PPP1R13L: variants seen among roughly 807,000 people sequenced by gnomAD.
PPP1R13L encodes the protein relA-associated inhibitor.
Under a neutral mutation model 80.9 loss-of-function variants are expected in PPP1R13L, and 50 were observed. That is an observed-to-expected ratio of 0.62 (90% CI 0.49 to 0.78). PPP1R13L has a LOEUF of 0.78. PPP1R13L is among the 30% of genes least tolerant of loss of function. PPP1R13L has a pLI of 0.00. For missense variants in PPP1R13L, 1,200 were observed against 1,205.9 expected (o/e 1.00, Z 0.07); for synonymous variants, 602 against 534.3 (o/e 1.13, Z -1.75).
In PPP1R13L at chr19:45,379,994, C is replaced by G. The variant is rs12982075; in HGVS notation, c.*196G>C. 1 of 612,286 alleles carries G rather than the reference C, an allele frequency of 1.6e-6. No homozygotes were observed. The highest frequency in any genetic ancestry group is 1.9e-5 in the African/African-American group (1 of 53,894). The allele number at this position is 612,286 out of a possible 1,614,324, so 37.9% of individuals were successfully genotyped here. On this transcript the variant is annotated 3_prime_UTR_variant, in exon 13 of 13. Transcript: ENST00000360957. ...CCAGCCCTTCCCAGACCTCCCAAGG[C>G]TAAGGCAGATTACTAAATTTAAGGC...
At chr19:45,401,731 G>A (rs1279219012) in intron 1 of PPP1R13L, among the ~76,000 whole-genome samples, 1 of 152,094 alleles carries the variant, frequency 6.6e-6, no homozygotes, top group Admixed American at 6.6e-5. Flanking sequence ...ACCCAGGGTT[G>A]CACTGCTCTG....
chr19:45,397,159 C>CT, intron 3 of PPP1R13L, 101 bp from the exon 4 acceptor site: 1 of 970,570 alleles, frequency 1.0e-6, no homozygotes, highest in African/African-American at 1.7e-5. Context: ...GGAGGTCAAC[C>CT]CAGAGGAGGC....
Position 45,395,581 on chromosome 19 carries a change from CG to C in PPP1R13L, c.1208del (p.Pro403ArgfsTer47). 1 of 1,445,284 alleles carries C rather than the reference CG, an allele frequency of 6.9e-7. No individual in the cohort carries two copies. The allele number at this position is 1,445,284 out of a possible 1,614,324, so 89.5% of individuals were successfully genotyped here. A position where few individuals can be genotyped will look rare whatever the true frequency, so the allele number is the denominator to read the frequency against. On this transcript the variant is annotated frameshift_variant, in exon 7 of 13. Transcript: ENST00000360957. LOFTEE classifies it high-confidence loss of function. ...PGSPLFTRAP[P>X]PKLQPQPQPQ... is the part of the protein sequence containing the mutation. ...GTTGTGGTTGGGGCTGCAGCTTAGG[CG>C]GGGGTGCTCGGGTGAAGAGGGGGGA...
upstream of PPP1R13L, among the ~76,000 whole-genome samples, chr19:45,406,057 C>A (rs1466825280): frequency 6.6e-6 from 1 of 152,230 alleles, no homozygotes; most frequent in Non-Finnish European, 1.5e-5. This position sits in a 1 kb window ranked among gnomAD's most constrained non-coding sequence, Gnocchi z 4.2. Context: ...GCGTGTGGGG[C>A]TCCTGGGTCC....
At chr19:45,384,364 T>TAAAAAA (rs1235819259) in intron 11 of PPP1R13L, among the ~76,000 whole-genome samples, 1 of 19,812 alleles carries the variant, frequency 5.0e-5, no homozygotes, top group African/African-American at 3.2e-4. Context: ...CTACTAAAAA[T>TAAAAAA]ACAAAAAAAA....
At position 45,393,644 on chromosome 19, in the gene PPP1R13L, G is replaced by T. The variant is rs35801099; in HGVS notation, c.1355-1304C>A. ...AATCCCAGCACTTTGGGAGGCCGAG[G>T]TGGGCAGATCATGAGGTCAGGAGAT... On this transcript the variant is annotated intron_variant, in intron 7 of 12. Coordinates refer to ENST00000360957, the MANE Select transcript of PPP1R13L (RefSeq NM_006663.4). Among the ~76,000 whole-genome samples the T allele has an allele frequency of 6.3e-3, 953 of 152,216 alleles. 8 individuals are homozygous for T. Among genetic ancestry groups the T allele is most frequent in the African/African-American group, 0.022 (908 of 41,536 alleles).
chr19:45,395,561 G>A lies in PPP1R13L; in HGVS notation c.1229C>T (p.Pro410Leu). The A allele has an allele frequency of 2.0e-6, 3 of 1,485,424 alleles. No homozygotes were observed. Among genetic ancestry groups the A allele is most frequent in the Non-Finnish European group, 2.7e-6 (3 of 1,119,214 alleles). The allele number at this position is 1,485,424 out of a possible 1,614,324, so 92.0% of individuals were successfully genotyped here. ...RAPPPKLQPQ[P>L]QPQPQPQSQP... Reference sequence around the variant, plus strand: ...TGATTGTGGCTGGGGCTGTGGTTGTGGTTGGGGCTGCAGCTTAGGCGGGGG... The same window carrying A: ...TGATTGTGGCTGGGGCTGTGGTTGTAGTTGGGGCTGCAGCTTAGGCGGGGG... The change falls in exon 7 of 13, where the codon CCA (proline) becomes CTA (leucine). Residue 410 changes from proline to leucine, a missense_variant. Physicochemically the swap from Pro to Leu is moderately conservative, Grantham distance 98. This residue lies in a region of PPP1R13L where 764 missense variants were observed against 714.5 expected (regional missense o/e 1.07). Coordinates refer to ENST00000360957, the MANE Select transcript of PPP1R13L (RefSeq NM_006663.4).
At chr19:45,398,998 C>T (rs1465797236) in intron 1 of PPP1R13L, among the ~76,000 whole-genome samples, 1 of 152,038 alleles carries the variant, frequency 6.6e-6, no homozygotes, top group Non-Finnish European at 1.5e-5. Flanking sequence ...GGCTGGAGTG[C>T]AGTGGCGCGA....
chr19:45,401,214 G>A (rs1261935498), intron 1 of PPP1R13L, among the ~76,000 whole-genome samples: 3 of 151,754 alleles, frequency 2.0e-5, no homozygotes, highest in East Asian at 1.9e-4. Flanking sequence ...AATTAGCTGG[G>A]CGTGGTGGCG....
At position 45,392,479 on chromosome 19, in the gene PPP1R13L, A is replaced by T. The variant is rs535083335; in HGVS notation, c.1355-139T>A. The T allele has an allele frequency of 1.0e-4, 88 of 862,348 alleles. 2 individuals are homozygous for T. The highest frequency in any genetic ancestry group is 9.4e-4 in the South Asian group (66 of 70,158). The allele number at this position is 862,348 out of a possible 1,614,324, so 53.4% of individuals were successfully genotyped here. On this transcript the variant is annotated intron_variant, in intron 7 of 12. Transcript: ENST00000360957. The stretch of plus-strand genomic sequence containing the variant: ...AAGTTCCTTGCCCTCTCTGGGCTAC[A>T]CTTTCCTTGGGCTGTGAATAATATA...
chr19:45,404,728 G>GC (rs992383555), intron 1 of PPP1R13L, among the ~76,000 whole-genome samples: 1 of 152,166 alleles, frequency 6.6e-6, no homozygotes, highest in African/African-American at 2.4e-5. Flanking sequence ...GCTTCCTAGA[G>GC]CCCCCCAGTT....
At chr19:45,389,805 A>AT (rs921468963) in intron 8 of PPP1R13L, among the ~76,000 whole-genome samples, 111 of 151,452 alleles carry the variant, frequency 7.3e-4, no homozygotes, top group African/African-American at 2.0e-3. Flanking sequence ...TTTTATTTTT[A>AT]TTTTTTTTGA....
In PPP1R13L at chr19:45,396,191, C is replaced by T. The variant is rs549526492; in HGVS notation, c.880G>A (p.Asp294Asn). Reference protein sequence around the residue: ...QLLPWRESSLDGLGGTGKDNL... With the variant: ...QLLPWRESSLNGLGGTGKDNL... Reference sequence around the variant, plus strand: ...ACCTTGCCGGTGCCCCCCAGTCCATCCAGGCTGCTCTCCCTCCAAGGCAAC... The same window carrying T: ...ACCTTGCCGGTGCCCCCCAGTCCATTCAGGCTGCTCTCCCTCCAAGGCAAC... Residue 294 changes from aspartate (D) to asparagine (N), a missense_variant, in exon 6 of 13, where the codon GAT (aspartate) becomes AAT (asparagine). Transcript: ENST00000360957. This position sits in a 1 kb window ranked among gnomAD's most constrained non-coding sequence, Gnocchi z 5.3. 1.2e-6 allele frequency: 2 copies of T among 1,610,800 alleles called. No homozygotes were observed. The highest frequency in any genetic ancestry group is 2.2e-5 in the East Asian group (1 of 44,830).
chr19:45,390,374 C>T (rs1230133491), intron 8 of PPP1R13L, among the ~76,000 whole-genome samples: 3 of 152,112 alleles, frequency 2.0e-5, no homozygotes, highest in Non-Finnish European at 2.9e-5. Context: ...ATGACCTTGG[C>T]GCCACCATCT....
At chr19:45,397,196 G>T in intron 3 of PPP1R13L, 138 bp from the exon 4 acceptor site, 1 of 635,020 alleles carries the variant, frequency 1.6e-6, no homozygotes, top group Non-Finnish European at 2.3e-6. Flanking sequence ...TTCAGGCACA[G>T]AGAGCCCAGG....
Position 45,382,643 on chromosome 19 carries a change from A to G in PPP1R13L, c.2332T>C (p.Ser778Pro), listed in dbSNP as rs770037095. 12 of 1,613,728 alleles carry G rather than the reference A, an allele frequency of 7.4e-6. No individual in the cohort carries two copies. Among genetic ancestry groups the G allele is most frequent in the Admixed American group, 1.7e-5 (1 of 60,000 alleles). The change falls in exon 12 of 13, where the codon TCC becomes CCC. Residue 778 changes from serine to proline, a missense_variant. This residue lies in a region of PPP1R13L where 165 missense variants were observed against 177.1 expected (regional missense o/e 0.93). Transcript: ENST00000360957. ...DYSAEFGDEL[S>P]FREGESVTVL... The stretch of plus-strand genomic sequence containing the variant: ...GTGACCGACTCGCCCTCGCGGAAGG[A>G]CAGCTCGTCCCCGAACTCGGCGCTG...
At chr19:45,386,627 T>C (rs1008101960) in intron 8 of PPP1R13L, among the ~76,000 whole-genome samples, 8 of 139,796 alleles carry the variant, frequency 5.7e-5, no homozygotes, top group Non-Finnish European at 1.2e-4. Flanking sequence ...CCTTTTCTTT[T>C]TCTCTTTTTT....
intron 1 of PPP1R13L, among the ~76,000 whole-genome samples, chr19:45,402,488 C>G (rs1973252785): frequency 6.6e-6 from 1 of 152,230 alleles, no homozygotes; most frequent in African/African-American, 2.4e-5. Context: ...GTGGGGACGT[C>G]GGAGCCACCA....
chr19:45,380,575 T>C (rs1204753499), intron 12 of PPP1R13L, among the ~76,000 whole-genome samples: 2 of 152,104 alleles, frequency 1.3e-5, no homozygotes, highest in East Asian at 3.9e-4. Context: ...CCCAGCAGTT[T>C]GGGAGGCCGA....
Sources: allele counts gnomAD v4.1 joint callset (sites outside exome capture counted in the v4.1 genomes callset), GRCh38; gene constraint gnomAD v4.1.1; regional missense constraint gnomAD v4.1.1; non-coding constraint Gnocchi (gnomAD v3.1); transcripts MANE v1.5; gene names NCBI Gene and HGNC (gene_info 2026-07-23, HGNC 2026-07-21).